Variants in STXBP5L observed in about 807,000 individuals in gnomAD.
STXBP5L encodes syntaxin binding protein 5L, also known as syntaxin-binding protein 5-like.
In STXBP5L, 65 loss-of-function variants were observed where a neutral mutation model predicts 144.5. The ratio of observed to expected loss-of-function variants is 0.45; its 90% CI spans 0.37 to 0.55. The LOEUF (loss-of-function observed/expected upper bound fraction) is 0.55. STXBP5L is among the 20% of genes least tolerant of loss of function. STXBP5L has a pLI of 0.00. For synonymous variants in STXBP5L, 505 were observed against 469.6 expected (o/e 1.08, Z -0.97); for missense variants, 1,298 against 1,405.5 (o/e 0.92, Z 1.22).
chr3:120,922,966 A>G (rs958911083), intron 2 of STXBP5L, among the ~76,000 whole-genome samples: 1 of 151,904 alleles, frequency 6.6e-6, no homozygotes, highest in Non-Finnish European at 1.5e-5. Flanking sequence ...GAATTCATCA[A>G]TGAAACCATC....
At chr3:121,085,718 G>A (rs1346134297) in intron 5 of STXBP5L, among the ~76,000 whole-genome samples, 1 of 152,116 alleles carries the variant, frequency 6.6e-6, no homozygotes, top group Non-Finnish European at 1.5e-5. Flanking sequence ...TGGATAGGAA[G>A]GATCAATATT....
At chr3:120,968,980 T>C (rs981280309) in intron 3 of STXBP5L, among the ~76,000 whole-genome samples, 1 of 152,144 alleles carries the variant, frequency 6.6e-6, no homozygotes, top group Non-Finnish European at 1.5e-5. Flanking sequence ...TCTTTGCAAT[T>C]GTGAATTGTG....
At chr3:120,918,206 C>T (rs558877794) in intron 2 of STXBP5L, among the ~76,000 whole-genome samples, 1 of 152,308 alleles carries the variant, frequency 6.6e-6, no homozygotes, top group Non-Finnish European at 1.5e-5. Context: ...CCTATGATTA[C>T]ATTGGGCCCA....
chr3:121,029,835 G>GA (rs553181828), intron 3 of STXBP5L, among the ~76,000 whole-genome samples: 74 of 143,162 alleles, frequency 5.2e-4, no homozygotes, highest in Middle Eastern at 7.0e-3. Context: ...AAATTTACAA[G>GA]AAAAAAAAAA....
chr3:121,366,567 T>G (rs2045869923), intron 20 of STXBP5L, among the ~76,000 whole-genome samples: 2 of 152,060 alleles, frequency 1.3e-5, no homozygotes, highest in East Asian at 3.8e-4. Context: ...TACCCCACTC[T>G]GTTTTGGATA....
At chr3:121,328,783 T>C (rs1221789514) in intron 20 of STXBP5L, among the ~76,000 whole-genome samples, 2 of 151,884 alleles carry the variant, frequency 1.3e-5, no homozygotes, top group Non-Finnish European at 1.5e-5. Flanking sequence ...AGGCTTCGCT[T>C]CATAAATGCT....
chr3:121,053,591 G>C (rs766934891), intron 5 of STXBP5L, among the ~76,000 whole-genome samples: 15 of 152,152 alleles, frequency 9.9e-5, no homozygotes, highest in Non-Finnish European at 1.6e-4. Flanking sequence ...ATTAATTCAA[G>C]ATGGATTAAA....
chr3:120,929,588 C>T (rs761068884), intron 2 of STXBP5L, among the ~76,000 whole-genome samples: 11 of 151,956 alleles, frequency 7.2e-5, no homozygotes, highest in East Asian at 3.9e-4. Flanking sequence ...AATGCTTTTA[C>T]GAACATCTGT....
At chr3:121,171,161 C>A (rs1011179828) in intron 9 of STXBP5L, among the ~76,000 whole-genome samples, 2 of 152,094 alleles carry the variant, frequency 1.3e-5, no homozygotes, top group African/African-American at 4.8e-5. Flanking sequence ...ATTCAACACC[C>A]CTTCATGCTA....
At chr3:121,033,434 G>A (rs7642739) in intron 3 of STXBP5L, among the ~76,000 whole-genome samples, 1 of 114,686 alleles carries the variant, frequency 8.7e-6, no homozygotes, top group African/African-American at 3.3e-5. Context: ...GGTCGGGGGA[G>A]GGGGGAGGGA....
At chr3:121,252,133 G>A (rs373693099) in intron 15 of STXBP5L, among the ~76,000 whole-genome samples, 1 of 152,098 alleles carries the variant, frequency 6.6e-6, no homozygotes. Flanking sequence ...GCCTAAGCAG[G>A]CAGATTGCCT....
At chr3:120,970,188 C>T (rs868761978) in intron 3 of STXBP5L, among the ~76,000 whole-genome samples, 5 of 151,958 alleles carry the variant, frequency 3.3e-5, no homozygotes, top group African/African-American at 4.8e-5. Flanking sequence ...AGGTTTTTGT[C>T]TTTTAGCCTT....
At chr3:120,911,235 TA>T (rs1708821406) in intron 2 of STXBP5L, among the ~76,000 whole-genome samples, 1 of 152,018 alleles carries the variant, frequency 6.6e-6, no homozygotes. Context: ...AGGTTTTAAA[TA>T]AAAAACTTCA....
At chr3:121,161,426 T>A (rs566027678) in intron 9 of STXBP5L, among the ~76,000 whole-genome samples, 2 of 152,144 alleles carry the variant, frequency 1.3e-5, no homozygotes, top group African/African-American at 4.8e-5. Context: ...CTTTATATAA[T>A]GTGTCACTTT....
intron 3 of STXBP5L, among the ~76,000 whole-genome samples, chr3:120,986,217 A>G (rs1180400874): frequency 1.3e-5 from 2 of 151,876 alleles, no homozygotes; most frequent in African/African-American, 4.8e-5. Flanking sequence ...ACATCTGTTG[A>G]TTTCTAACTT....
chr3:120,971,231 T>C (rs1559929541), intron 3 of STXBP5L, among the ~76,000 whole-genome samples: 1 of 152,146 alleles, frequency 6.6e-6, no homozygotes. Context: ...ATTTTATTTA[T>C]TTAAGAAAAT....
intron 6 of STXBP5L, among the ~76,000 whole-genome samples, chr3:121,120,008 C>T (rs1394775876): frequency 1.3e-5 from 2 of 151,064 alleles, no homozygotes; most frequent in Non-Finnish European, 3.0e-5. Context: ...TTAATATGAT[C>T]AATGAAAAAG....
chr3:121,131,364 T>A (rs2044981100), intron 7 of STXBP5L, among the ~76,000 whole-genome samples: 1 of 152,176 alleles, frequency 6.6e-6, no homozygotes, highest in South Asian at 2.1e-4. Flanking sequence ...ATGAGAAAGT[T>A]ATTAAATTAC....
intron 20 of STXBP5L, among the ~76,000 whole-genome samples, chr3:121,360,252 T>G (rs2045670750): frequency 6.6e-6 from 1 of 151,528 alleles, no homozygotes; most frequent in Non-Finnish European, 1.5e-5. Flanking sequence ...TGGCATAGAA[T>G]ATCTTTTTCT....
Sources: gnomAD v4.1 joint callset for allele counts (sites outside exome capture counted in the v4.1 genomes callset) on GRCh38, gnomAD v4.1.1 for gene constraint, MANE v1.5 for transcripts, NCBI Gene and HGNC (gene_info 2026-07-23, HGNC 2026-07-21) for gene names.